Variants in DIP2A observed in about 807,000 individuals in gnomAD.
DIP2A encodes disco-interacting protein 2 homolog A.
Under a neutral mutation model 177.4 loss-of-function variants are expected in DIP2A, and 85 were observed. The observed-to-expected ratio is 0.48, with a 90% CI of 0.40 to 0.57. The LOEUF (loss-of-function observed/expected upper bound fraction) is 0.57. Among genes scored for constraint, DIP2A ranks in the 20% least tolerant of loss-of-function variants. The probability of loss-of-function intolerance (pLI) is 0.00; values close to 1 mark genes in which losing one functional copy is unlikely to be tolerated. For missense variants in DIP2A, 1,791 were observed against 2,100.2 expected (o/e 0.85, Z 2.88); for synonymous variants, 886 against 881.8 (o/e 1.00, Z -0.08).
At chr21:46,573,512 A>C (rs891582838), downstream of DIP2A, among the ~76,000 whole-genome samples, 6 of 151,668 alleles carry the variant, frequency 4.0e-5, no homozygotes, top group Non-Finnish European at 8.8e-5. Context: ...AAATACAAAA[A>C]TTAGCTGGGC....
chr21:46,566,656 T>A lies in DIP2A; in HGVS notation c.4436T>A (p.Ile1479Asn). 1 of 1,614,194 alleles carries A rather than the reference T, an allele frequency of 6.2e-7. No individual in the cohort carries two copies. The highest frequency in any genetic ancestry group is 2.2e-5 in the East Asian group (1 of 44,886). Reference protein sequence around the residue: ...YHPIDIETSVIRAHRSIAECA... With the variant: ...YHPIDIETSVNRAHRSIAECA... ...CCCATCGACATTGAGACCTCTGTCA[T>A]CCGAGCACACAGGAGCATCGCTGAG... The change falls in exon 37 of 38, where the codon ATC becomes AAC. Residue 1479 changes from isoleucine (I) to asparagine (N), a missense_variant. Transcript: ENST00000417564.
At chr21:46,513,361 C>A (rs576384154) in intron 8 of DIP2A, among the ~76,000 whole-genome samples, 108 of 152,270 alleles carry the variant, frequency 7.1e-4, no homozygotes, top group African/African-American at 2.1e-3. Context: ...AAAAGGCAAT[C>A]CTTTCCCCAA....
Position 46,498,980 on chromosome 21 carries a change from C to T in DIP2A, c.655+147C>T, listed in dbSNP as rs899931979. On this transcript the variant is annotated intron_variant, in intron 5 of 37. Transcript: ENST00000417564. This position sits in a 1 kb window ranked among gnomAD's most constrained non-coding sequence, Gnocchi z 4.3. ...AGTGCTCTCCAAGTGACTGAGGTCACACAACCCAGATAACCCATACTGGCT... is the reference window on the plus strand; with the variant it reads ...AGTGCTCTCCAAGTGACTGAGGTCATACAACCCAGATAACCCATACTGGCT... 50 of 1,092,344 alleles carry T rather than the reference C, an allele frequency of 4.6e-5. No homozygotes were observed. The highest frequency in any genetic ancestry group is 3.1e-4 in the Middle Eastern group (1 of 3,182). 67.7% of individuals were successfully genotyped at this position (1,092,344 alleles called of 1,614,324 possible). A position where few individuals can be genotyped will look rare whatever the true frequency, so the allele number is the denominator to read the frequency against.
intron 1 of DIP2A, among the ~76,000 whole-genome samples, chr21:46,459,895 G>A (rs1222354111): frequency 6.6e-6 from 1 of 152,094 alleles, no homozygotes; most frequent in Non-Finnish European, 1.5e-5. Flanking sequence ...TGAGAGGAAT[G>A]ACCACTTTTG....
chr21:46,498,888 C>T lies in DIP2A; in HGVS notation c.655+55C>T. ...CCAGCAGAGCGGGGTCAGGAGTGTC[C>T]AGGACAGAGGAGCAGATGGAGGGCA... On this transcript the variant is annotated intron_variant, in intron 5 of 37. Transcript: ENST00000417564. This position sits in a 1 kb window ranked among gnomAD's most constrained non-coding sequence, Gnocchi z 4.3. 6.5e-7 allele frequency: 1 copy of T among 1,528,808 alleles called. No individual in the cohort carries two copies. Among genetic ancestry groups the T allele is most frequent in the Non-Finnish European group, 8.8e-7 (1 of 1,134,378 alleles). 94.7% of individuals were successfully genotyped at this position (1,528,808 alleles called of 1,614,324 possible).
intron 8 of DIP2A, among the ~76,000 whole-genome samples, chr21:46,521,738 A>G (rs1158450640): frequency 5.9e-5 from 9 of 152,228 alleles, no homozygotes; most frequent in Admixed American, 5.9e-4. Context: ...AAAACTGAAT[A>G]ATACCCCTTT....
Position 46,533,664 on chromosome 21 carries a change from G to A in DIP2A, c.1429+17G>A. 6.2e-7 allele frequency: 1 copy of A among 1,613,964 alleles called. No individual in the cohort carries two copies. Among genetic ancestry groups the A allele is most frequent in the South Asian group, 1.1e-5 (1 of 91,082 alleles). On this transcript the variant is annotated intron_variant, in intron 11 of 37. Transcript: ENST00000417564. ...CTTTCAAAGGTGAGGCCTCCCAAGG[G>A]AAGGGGAGTCAGTGTTCTGACTGTG... is the stretch of plus-strand genomic sequence containing the variant.
Position 46,554,158 on chromosome 21 carries a change from CGCTTT to C in DIP2A, c.3031-10_3031-6del. On this transcript the variant is annotated splice_polypyrimidine_tract_variant and splice_region_variant and intron_variant, in intron 25 of 37. Transcript: ENST00000417564. ...CCAGCATACAGATGAGCTCAAAGATCGCTTTCCTAGGGCACCGTCACAAGCACTGC... is the reference window on the plus strand; with the variant it reads ...CCAGCATACAGATGAGCTCAAAGATCCCTAGGGCACCGTCACAAGCACTGC... The C allele has an allele frequency of 6.3e-7, 1 of 1,594,842 alleles. No individual in the cohort carries two copies. The highest frequency in any genetic ancestry group is 8.6e-7 in the Non-Finnish European group (1 of 1,168,558).
chr21:46,459,770 C>G (rs1035215911), intron 1 of DIP2A, among the ~76,000 whole-genome samples: 10 of 152,072 alleles, frequency 6.6e-5, no homozygotes, highest in African/African-American at 2.2e-4. Flanking sequence ...TACTCCTCAC[C>G]CCGGGACGCC....
At chr21:46,477,543 TTGTGTGTG>T (rs1555874551) in intron 1 of DIP2A, among the ~76,000 whole-genome samples, 1 of 87,092 alleles carries the variant, frequency 1.1e-5, no homozygotes, top group Non-Finnish European at 2.3e-5. Flanking sequence ...AAAAAAAGAT[TTGTGTGTG>T]TGTGTGTGTG....
chr21:46,552,053 C>CTACGCATGAGAACA, intron 25 of DIP2A, 149 bp downstream of exon 25: 1 of 954,520 alleles, frequency 1.0e-6, no homozygotes, highest in Non-Finnish European at 1.6e-6. Context: ...TGGTTGTTCT[C>CTACGCATGAGAACA]ATGCGTAGAG....
In DIP2A at chr21:46,505,337, G is replaced by A. The variant is rs562256919; in HGVS notation, c.784+848G>A. 8.3e-4 allele frequency among the ~76,000 whole-genome samples: 127 copies of A among 152,226 alleles called. 2 individuals are homozygous for A. The highest frequency in any genetic ancestry group is 3.0e-3 in the African/African-American group (123 of 41,524). On this transcript the variant is annotated intron_variant, in intron 6 of 37. Coordinates refer to ENST00000417564, the MANE Select transcript of DIP2A (RefSeq NM_015151.4). ...AAAGTGTACAGTTTCGGCTGGGCGC[G>A]GTGGCTCACACCTGTAATCCCAGCA...
chr21:46,462,417 G>A (rs570663206), intron 1 of DIP2A: 1 of 152,306 alleles, frequency 6.6e-6, no homozygotes, highest in South Asian at 2.1e-4. Context: ...GTCTCTAAAC[G>A]TGGGTTTAGT....
chr21:46,468,845 A>C (rs1306449725), intron 1 of DIP2A, among the ~76,000 whole-genome samples: 3 of 152,220 alleles, frequency 2.0e-5, no homozygotes, highest in Admixed American at 6.5e-5. Context: ...TAGGTTAATC[A>C]TGTCGATTTA....
chr21:46,462,489 G>A (rs897466751), intron 1 of DIP2A: 2 of 152,194 alleles, frequency 1.3e-5, no homozygotes, highest in African/African-American at 4.8e-5. Context: ...TCAAGATTCA[G>A]TCACATAGTG....
intron 21 of DIP2A, among the ~76,000 whole-genome samples, chr21:46,549,147 C>A (rs2060173732): frequency 6.6e-6 from 1 of 152,050 alleles, no homozygotes; most frequent in Non-Finnish European, 1.5e-5. Flanking sequence ...TGTGTGTACA[C>A]ACACACCAGT....
chr21:46,560,808 C>T, intron 33 of DIP2A, 25 bp downstream of exon 33: 1 of 1,587,914 alleles, frequency 6.3e-7, no homozygotes, highest in Non-Finnish European at 8.6e-7. Flanking sequence ...CTGCCTGGGC[C>T]CCATGGATAC....
intron 17 of DIP2A, 58 bp from the exon 18 acceptor site, chr21:46,541,698 A>G (rs2059824631): frequency 5.0e-6 from 8 of 1,608,266 alleles, no homozygotes; most frequent in Non-Finnish European, 6.8e-6. Flanking sequence ...AGGTGGGCCC[A>G]CCTCCCTGGA....
chr21:46,545,973 C>G lies in DIP2A; in HGVS notation c.2394+12C>G, dbSNP rs770119362. On this transcript the variant is annotated intron_variant, in intron 20 of 37. Coordinates refer to ENST00000417564, the MANE Select transcript of DIP2A (RefSeq NM_015151.4). ...GCTTCATCGGGCCTGTGAGTATGTC[C>G]TCCTGTACCAGCACTGGCAGTCAGA... The G allele has an allele frequency of 6.2e-7, 1 of 1,613,954 alleles. No individual in the cohort carries two copies. The highest frequency in any genetic ancestry group is 2.2e-5 in the East Asian group (1 of 44,868).
Sources: allele counts gnomAD v4.1 joint callset (sites outside exome capture counted in the v4.1 genomes callset), GRCh38; gene constraint gnomAD v4.1.1; non-coding constraint Gnocchi (gnomAD v3.1); transcripts MANE v1.5; gene names NCBI Gene and HGNC (gene_info 2026-07-23, HGNC 2026-07-21).